Variants in WWOX observed in about 807,000 individuals in gnomAD.
WWOX encodes WW domain containing oxidoreductase.
A neutral mutation model predicts 46.2 loss-of-function variants in WWOX; 69 were observed. The ratio of observed to expected loss-of-function variants is 1.49; its 90% confidence interval spans 1.23 to 1.82. The LOEUF (loss-of-function observed/expected upper bound fraction) is 1.82, where lower values mean the gene tolerates loss of function less well. Among genes scored for constraint, WWOX ranks in the 40% most tolerant of loss-of-function variants. The pLI is 0.00. For missense variants in WWOX, 919 were observed against 542.6 expected, an observed-to-expected ratio of 1.69 and a Z score of -6.89; for synonymous variants, 359 against 202.6, an observed-to-expected ratio of 1.77 and a Z score of -6.56.
chr16:78,420,396 A>C (rs1321411037), intron 6 of WWOX, among the ~76,000 whole-genome samples: 1 of 152,188 alleles, frequency 6.6e-6, no homozygotes, highest in East Asian at 1.9e-4. Flanking sequence ...TGGATAAACA[A>C]AGCGTGGTAT....
chr16:78,223,113 T>C lies in WWOX; in HGVS notation c.516+58824T>C, dbSNP rs564676667. Among the ~76,000 whole-genome samples the C allele has an allele frequency of 8.5e-5, 13 of 152,282 alleles. No individual in the cohort carries two copies. In the South Asian group the frequency reaches 2.1e-3, roughly 24 times the overall value. ...ATGTGATTTGGGTACCTGCTGCTTGTAGGCTGTGACTGTCAGTAGCAGAAA... is the reference window on the plus strand; with the variant it reads ...ATGTGATTTGGGTACCTGCTGCTTGCAGGCTGTGACTGTCAGTAGCAGAAA... On this transcript the variant is annotated intron_variant, in intron 5 of 8. Coordinates refer to ENST00000566780, the MANE Select transcript of WWOX (RefSeq NM_016373.4).
chr16:79,092,323 C>T (rs1368133659), intron 8 of WWOX, among the ~76,000 whole-genome samples: 1 of 152,158 alleles, frequency 6.6e-6, no homozygotes, highest in Non-Finnish European at 1.5e-5. Flanking sequence ...AGGAATCAAT[C>T]GTGCTGGGTG....
At chr16:78,144,466 C>CGT (rs2034109720) in intron 4 of WWOX, among the ~76,000 whole-genome samples, 10 of 14,372 alleles carry the variant, frequency 7.0e-4, no homozygotes, top group East Asian at 2.9e-3. Flanking sequence ...TATATATACA[C>CGT]ACATATATAT....
chr16:78,829,275 C>T (rs2051748146), intron 8 of WWOX, among the ~76,000 whole-genome samples: 2 of 152,038 alleles, frequency 1.3e-5, no homozygotes. Flanking sequence ...TCCAGAAGGG[C>T]CCATGGTAGA....
intron 5 of WWOX, among the ~76,000 whole-genome samples, chr16:78,336,002 G>C (rs1346915813): frequency 6.6e-6 from 1 of 152,054 alleles, no homozygotes; most frequent in East Asian, 1.9e-4. Flanking sequence ...TGGGGCAGGA[G>C]AATCGCTTGA....
chr16:78,796,933 C>G (rs774674470), intron 8 of WWOX, among the ~76,000 whole-genome samples: 23 of 150,978 alleles, frequency 1.5e-4, no homozygotes, highest in Non-Finnish European at 2.6e-4. Flanking sequence ...TCAACTGATT[C>G]TCCTGCCTCA....
At chr16:78,488,831 A>T (rs549634489) in intron 8 of WWOX, among the ~76,000 whole-genome samples, 4 of 152,286 alleles carry the variant, frequency 2.6e-5, no homozygotes, top group African/African-American at 9.6e-5. Flanking sequence ...CAGTGGGACG[A>T]TTGAGTCAAA....
chr16:79,206,792 G>C, intron 8 of WWOX: 1 of 152,140 alleles, frequency 6.6e-6, no homozygotes, highest in East Asian at 1.9e-4. Context: ...TGACTTACTG[G>C]TGTGGTCACC....
chr16:78,901,372 G>T (rs1357060430), intron 8 of WWOX, among the ~76,000 whole-genome samples: 1 of 152,140 alleles, frequency 6.6e-6, no homozygotes, highest in Non-Finnish European at 1.5e-5. Context: ...TATTTCGGAT[G>T]GAATTTTGGC....
At chr16:78,586,700 T>C (rs900788965) in intron 8 of WWOX, among the ~76,000 whole-genome samples, 1 of 152,238 alleles carries the variant, frequency 6.6e-6, no homozygotes, top group Admixed American at 6.5e-5. Context: ...TTTCACATAA[T>C]CTCATTTCAT....
intron 8 of WWOX, among the ~76,000 whole-genome samples, chr16:79,200,147 T>A (rs2051318258): frequency 6.6e-6 from 1 of 152,154 alleles, no homozygotes; most frequent in Non-Finnish European, 1.5e-5. Context: ...AGACCCCTTC[T>A]GGTCTGTACT....
intron 5 of WWOX, among the ~76,000 whole-genome samples, chr16:78,284,706 C>G (rs764014878): frequency 6.6e-6 from 1 of 152,154 alleles, no homozygotes; most frequent in Admixed American, 6.5e-5. Flanking sequence ...ATAGTAAATT[C>G]TCTTTAACCA....
At chr16:78,260,918 C>G (rs1207628486) in intron 5 of WWOX, among the ~76,000 whole-genome samples, 1 of 107,686 alleles carries the variant, frequency 9.3e-6, no homozygotes, top group Non-Finnish European at 1.8e-5. Context: ...GCTTGGGAAA[C>G]AGAGTAAGAC....
At chr16:79,037,186 C>T (rs1361197423) in intron 8 of WWOX, among the ~76,000 whole-genome samples, 1 of 152,170 alleles carries the variant, frequency 6.6e-6, no homozygotes, top group Non-Finnish European at 1.5e-5. Flanking sequence ...AGAAAAGTGA[C>T]AGCAGTCTTG....
intron 8 of WWOX, among the ~76,000 whole-genome samples, chr16:78,548,179 T>TCAACG (rs1555560965): frequency 8.4e-6 from 1 of 119,414 alleles, no homozygotes; most frequent in African/African-American, 3.1e-5. Context: ...AAAAAAAAAA[T>TCAACG]TACGAATTTT....
At position 78,115,143 on chromosome 16, in the gene WWOX, A is replaced by C; in HGVS notation, c.398A>C (p.Asn133Thr). Reference protein sequence around the residue: ...TGKVVVVTGANSGIGFETAKS... With the variant: ...TGKVVVVTGATSGIGFETAKS... Reference sequence around the variant, plus strand: ...AAAGTGGTTGTGGTCACTGGAGCTAATTCAGGAATAGGTAGGCTCTTCACT... The same window carrying C: ...AAAGTGGTTGTGGTCACTGGAGCTACTTCAGGAATAGGTAGGCTCTTCACT... Residue 133 changes from asparagine to threonine, a missense_variant, in exon 4 of 9, where the codon AAT (asparagine) becomes ACT (threonine). Transcript: ENST00000566780. The C allele has an allele frequency of 6.2e-7, 1 of 1,614,220 alleles. No individual in the cohort carries two copies. Among genetic ancestry groups the C allele is most frequent in the Non-Finnish European group, 8.5e-7 (1 of 1,180,030 alleles).
chr16:78,861,166 C>T (rs1462325206), intron 8 of WWOX, among the ~76,000 whole-genome samples: 1 of 152,108 alleles, frequency 6.6e-6, no homozygotes, highest in Non-Finnish European at 1.5e-5. Flanking sequence ...CTCTCTCTTT[C>T]TTCCTCTCTT....
rs899973223 is a variant in WWOX at position 78,940,856 on chromosome 16, C to CTAATAAGTTG, written c.1057-270749_1057-270740dup. ...TCCCGGTGTAATGTACAGCTTCATT[C>CTAATAAGTTG]TAATAAGTTGTATCGATCATGTATT... is the stretch of plus-strand genomic sequence containing the variant. On this transcript the variant is annotated intron_variant, in intron 8 of 8. Transcript: ENST00000566780. Among the ~76,000 whole-genome samples, 18 of 151,900 alleles carry CTAATAAGTTG rather than the reference C, an allele frequency of 1.2e-4. 1 individual carries two copies. The highest frequency in any genetic ancestry group is 7.2e-4 in the Admixed American group (11 of 15,246).
intron 5 of WWOX, among the ~76,000 whole-genome samples, chr16:78,286,421 G>T (rs2079767911): frequency 6.6e-6 from 1 of 152,200 alleles, no homozygotes; most frequent in African/African-American, 2.4e-5. Context: ...TTAGCTGAAG[G>T]AAACAATCCT....
Sources: allele counts gnomAD v4.1 joint callset (sites outside exome capture counted in the v4.1 genomes callset), GRCh38; gene constraint gnomAD v4.1.1; transcripts MANE v1.5; gene names NCBI Gene and HGNC (gene_info 2026-07-23, HGNC 2026-07-21).